CPLANE1: variants seen among roughly 807,000 people sequenced by gnomAD.
CPLANE1 encodes the protein ciliogenesis and planar polarity effector complex subunit 1.
In CPLANE1, 263 loss-of-function variants were observed where a neutral mutation model predicts 362.5. The ratio of observed to expected loss-of-function variants is 0.73; its 90% CI spans 0.66 to 0.80. The LOEUF (loss-of-function observed/expected upper bound fraction) is 0.80, where lower values mean the gene tolerates loss of function less well. Among genes scored for constraint, CPLANE1 ranks in the 30% least tolerant of loss-of-function variants. The pLI is 0.00. For missense variants in CPLANE1, 3,461 were observed against 3,793.4 expected (o/e 0.91, Z 2.30); for synonymous variants, 1,212 against 1,302.6 (o/e 0.93, Z 1.50).
chr5:37,170,418 A>G (rs1580380783), intron 32 of CPLANE1, 87 bp from the exon 33 acceptor site: 3 of 1,281,922 alleles, frequency 2.3e-6, no homozygotes, highest in African/African-American at 1.5e-5. Flanking sequence ...GTATTCTACA[A>G]TAGTCACACG....
chr5:37,108,902 C>T (rs189266261), intron 51 of CPLANE1, among the ~76,000 whole-genome samples: 1 of 152,306 alleles, frequency 6.6e-6, no homozygotes, highest in East Asian at 1.9e-4. Flanking sequence ...TAGGCAAAGG[C>T]ATCACAGTGA....
intron 38 of CPLANE1, among the ~76,000 whole-genome samples, chr5:37,160,054 T>C (rs544449771): frequency 1.1e-4 from 17 of 152,268 alleles, no homozygotes; most frequent in African/African-American, 1.9e-4. Context: ...TAAAAGGTGA[T>C]AGGTAGAAAC....
the CPLANE1 span, among the ~76,000 whole-genome samples, chr5:37,096,895 A>C: frequency 1.3e-5 from 2 of 152,162 alleles, no homozygotes. Context: ...GTAAAAAAAA[A>C]GTCAAAAAAC....
At chr5:37,123,580 GC>G in intron 47 of CPLANE1, among the ~76,000 whole-genome samples, 1 of 152,334 alleles carries the variant, frequency 6.6e-6, no homozygotes, top group Admixed American at 6.5e-5. Flanking sequence ...GCACTCTGTT[GC>G]CCAGGCAGGA....
chr5:37,109,122 G>T (rs1205825109), intron 51 of CPLANE1, among the ~76,000 whole-genome samples: 1 of 152,144 alleles, frequency 6.6e-6, no homozygotes, highest in Non-Finnish European at 1.5e-5. Context: ...CCTTCGAGGT[G>T]ATTTCATGAA....
intron 7 of CPLANE1, among the ~76,000 whole-genome samples, chr5:37,239,442 G>A (rs532039438): frequency 2.0e-5 from 3 of 151,948 alleles, no homozygotes; most frequent in African/African-American, 7.2e-5. Flanking sequence ...AATTAGCCAG[G>A]CACGGTGGTA....
At chr5:37,122,192 G>A (rs550585886) in intron 48 of CPLANE1, among the ~76,000 whole-genome samples, 10 of 152,254 alleles carry the variant, frequency 6.6e-5, no homozygotes, top group Admixed American at 4.6e-4. Context: ...TCTGGGTTGG[G>A]AAAGGGAGAA....
At chr5:37,163,348 A>G (rs1277151293) in intron 37 of CPLANE1, among the ~76,000 whole-genome samples, 5 of 152,206 alleles carry the variant, frequency 3.3e-5, no homozygotes, top group African/African-American at 7.2e-5. Flanking sequence ...TGATATCAAC[A>G]CAAATGGAGA....
rs1419962838 is a variant in CPLANE1 at position 37,199,471 on chromosome 5, T to C, written c.3508-605A>G. 2.0e-5 allele frequency among the ~76,000 whole-genome samples: 3 copies of C among 152,196 alleles called. No homozygotes were observed. The East Asian group carries it at 5.8e-4, about 29-fold the overall frequency. Reference sequence around the variant, plus strand: ...AACAGCACTTTGTTCACACTTCTACTGTAGCTTTCACCAATTTATTCCATA... The same window carrying C: ...AACAGCACTTTGTTCACACTTCTACCGTAGCTTTCACCAATTTATTCCATA... On this transcript the variant is annotated intron_variant, in intron 19 of 52. Coordinates refer to ENST00000651892, the MANE Select transcript of CPLANE1 (RefSeq NM_001384732.1).
intron 46 of CPLANE1, among the ~76,000 whole-genome samples, chr5:37,125,973 C>CA (rs1464861474): frequency 6.6e-6 from 1 of 152,176 alleles, no homozygotes; most frequent in African/African-American, 2.4e-5. Context: ...CTCAGTGGCT[C>CA]ACACCTGTAA....
intron 8 of CPLANE1, among the ~76,000 whole-genome samples, chr5:37,235,772 AT>A (rs1798839507): frequency 6.6e-6 from 1 of 150,708 alleles, no homozygotes; most frequent in Non-Finnish European, 1.5e-5. Context: ...GGGTTTCACC[AT>A]GTTGGTCAGG....
intron 19 of CPLANE1, 30 bp from the exon 20 acceptor site, chr5:37,198,896 G>A (rs1365319161): frequency 4.4e-6 from 7 of 1,597,898 alleles, no homozygotes; most frequent in African/African-American, 1.4e-5. Context: ...CCATTTTAGT[G>A]GCTAGTAATG....
intron 15 of CPLANE1, among the ~76,000 whole-genome samples, chr5:37,216,920 C>T (rs1794211058): frequency 6.6e-6 from 1 of 151,928 alleles, no homozygotes; most frequent in African/African-American, 2.4e-5. Flanking sequence ...GCACCTAGCA[C>T]TTCTCCTCTC....
Position 37,182,844 on chromosome 5 carries a change from G to A in CPLANE1, c.5337C>T (p.Thr1779=). ...SEYSPVIRVK[T]STAAILTSLW... ...ATGATGTAAGAATGGCAGCTGTAGA[G>A]GTCTTTACACGAATTACTGGACTGT... The change falls in exon 26 of 53, where the codon ACC becomes ACT. Residue 1779 remains threonine, a synonymous_variant. Transcript: ENST00000651892. The A allele has an allele frequency of 6.2e-7, 1 of 1,613,460 alleles. No individual in the cohort carries two copies. Among genetic ancestry groups the A allele is most frequent in the Non-Finnish European group, 8.5e-7 (1 of 1,179,810 alleles).
intron 34 of CPLANE1, 39 bp downstream of exon 34, chr5:37,168,752 A>G: frequency 1.3e-6 from 2 of 1,539,380 alleles, no homozygotes; most frequent in South Asian, 2.4e-5. Flanking sequence ...AAAATAGTGC[A>G]GGACACTGCT....
At chr5:37,248,527 A>G (rs566479537) in intron 1 of CPLANE1, among the ~76,000 whole-genome samples, 1 of 151,664 alleles carries the variant, frequency 6.6e-6, no homozygotes, top group South Asian at 2.1e-4. Context: ...GATGCTAGCT[A>G]TCAGTCAGCA....
intron 46 of CPLANE1, among the ~76,000 whole-genome samples, chr5:37,131,003 GTC>G (rs1296078274): frequency 6.6e-6 from 1 of 152,206 alleles, no homozygotes. Context: ...TGCAGTGAAT[GTC>G]TGTCTGGATA....
chr5:37,144,327 GA>G (rs1305966635), intron 43 of CPLANE1, among the ~76,000 whole-genome samples: 1 of 146,964 alleles, frequency 6.8e-6, no homozygotes, highest in East Asian at 2.1e-4. Context: ...AGAATTGCTT[GA>G]ACCCTGGAGG....
downstream of CPLANE1, among the ~76,000 whole-genome samples, chr5:37,102,912 C>T (rs531523740): frequency 6.6e-6 from 1 of 152,286 alleles, no homozygotes; most frequent in East Asian, 1.9e-4. Flanking sequence ...ATCAGGTCCA[C>T]TTGATCCAGA....
Sources: gnomAD v4.1 joint callset for allele counts (sites outside exome capture counted in the v4.1 genomes callset) on GRCh38, gnomAD v4.1.1 for gene constraint, MANE v1.5 for transcripts, NCBI Gene and HGNC (gene_info 2026-07-23, HGNC 2026-07-21) for gene names.